Variants in POM121C observed in about 807,000 individuals in gnomAD.
The protein encoded by POM121C is POM121 transmembrane nucleoporin C, also known as nuclear envelope pore membrane protein POM 121C.
A neutral mutation model predicts 66.4 loss-of-function variants in POM121C; 20 were observed. The ratio of observed to expected loss-of-function variants is 0.30; its 90% confidence interval spans 0.21 to 0.44. POM121C has a LOEUF of 0.44. POM121C is among the 20% of genes least tolerant of loss of function. The probability of loss-of-function intolerance (pLI) is 1.00; values close to 1 mark genes in which losing one functional copy is unlikely to be tolerated. For missense variants in POM121C, 580 were observed against 1,225.7 expected (o/e 0.47, Z 7.87); for synonymous variants, 286 against 528.0 (o/e 0.54, Z 6.28).
Position 75,417,139 on chromosome 7 carries a change from T to C in POM121C, c.*1657A>G. On this transcript the variant is annotated 3_prime_UTR_variant, in exon 15 of 15. Transcript: ENST00000615331. ...GCTTGAGGTTCACTCCCTCCTCAGC[T>C]GCACACGCAGCCAGGTATAACACTC... 2.0e-6 allele frequency: 2 copies of C among 1,004,484 alleles called. No individual in the cohort carries two copies. The highest frequency in any genetic ancestry group is 2.4e-6 in the Non-Finnish European group (2 of 838,538). The allele number at this position is 1,004,484 out of a possible 1,614,324, so 62.2% of individuals were successfully genotyped here.
At chr7:75,436,127 T>C (rs140814199) in intron 7 of POM121C, among the ~76,000 whole-genome samples, 1 of 151,898 alleles carries the variant, frequency 6.6e-6, no homozygotes, top group Non-Finnish European at 1.5e-5. Flanking sequence ...TACATAAAAA[T>C]ATAAAATCAA....
rs782534807 is a variant in POM121C at position 75,424,538 on chromosome 7, C to G, written c.859G>C (p.Glu287Gln). The G allele has an allele frequency of 2.5e-6, 4 of 1,613,848 alleles. No homozygotes were observed. In the East Asian group the frequency reaches 8.9e-5, roughly 36 times the overall value. Residue 287 changes from glutamate to glutamine, a missense_variant, in exon 11 of 15, where the codon GAG (glutamate) becomes CAG (glutamine). Glu to Gln is a conservative substitution (Grantham distance 29, BLOSUM62 2). Transcript: ENST00000615331. ...CTGTGCTCCTTACCACTCTTGTCCT[C>G]CAAGGCCTGGTTGAACCACTGTAAT... Reference protein sequence around the residue: ...ASLQWFNQALEDKSDAASNSV... With the variant: ...ASLQWFNQALQDKSDAASNSV...
At position 75,455,203 on chromosome 7, in the gene POM121C, C is replaced by T. The variant is rs1165388055; in HGVS notation, c.-151-13556G>A. ...CTGTAGGCATGTACCACTGATGACACGGACACTGAATTACCCGCCGTGCTG... is the reference window on the plus strand; with the variant it reads ...CTGTAGGCATGTACCACTGATGACATGGACACTGAATTACCCGCCGTGCTG... On this transcript the variant is annotated intron_variant, in intron 3 of 14. Coordinates refer to ENST00000615331, the MANE Select transcript of POM121C (RefSeq NM_001099415.3). Among the ~76,000 whole-genome samples, 8 of 152,304 alleles carry T rather than the reference C, an allele frequency of 5.3e-5. 1 individual carries two copies. The highest frequency in any genetic ancestry group is 1.9e-4 in the East Asian group (1 of 5,186).
At chr7:75,456,648 G>A (rs200128783) in intron 3 of POM121C, among the ~76,000 whole-genome samples, 12,547 of 131,576 alleles carry the variant, frequency 0.095, no homozygotes, top group Middle Eastern at 0.15. Context: ...TGCGAGATGG[G>A]ACATGAGACA....
chr7:75,477,513 T>C lies in POM121C; in HGVS notation c.-457-2325A>G, dbSNP rs1439893595. On this transcript the variant is annotated intron_variant, in intron 1 of 14. Transcript: ENST00000615331. ...GTTTCCCTAAATTACTTTATAAATA[T>C]GCAATCCCAATAAAAATACCAAAAA... is the stretch of plus-strand genomic sequence containing the variant. Among the ~76,000 whole-genome samples, 93 of 151,962 alleles carry C rather than the reference T, an allele frequency of 6.1e-4. 1 individual carries two copies. Among genetic ancestry groups the C allele is most frequent in the African/African-American group, 2.2e-3 (93 of 41,378 alleles).
chr7:75,468,857 CTATT>C (rs1353006653), intron 3 of POM121C, among the ~76,000 whole-genome samples: 4 of 152,126 alleles, frequency 2.6e-5, no homozygotes, highest in Non-Finnish European at 5.9e-5. Context: ...CCCCATCTGT[CTATT>C]TATTTTTAAA....
intron 3 of POM121C, chr7:75,442,411 G>A: frequency 6.9e-7 from 1 of 1,440,534 alleles, no homozygotes; most frequent in South Asian, 1.4e-5. Flanking sequence ...GGAGGTTTCC[G>A]TTGGCTGTCG....
At chr7:75,442,756 A>G (rs1790709480) in intron 3 of POM121C, 1 of 1,313,020 alleles carries the variant, frequency 7.6e-7, no homozygotes, top group Non-Finnish European at 9.7e-7. Context: ...TAAATATCCC[A>G]GCGTGCACCG....
intron 1 of POM121C, among the ~76,000 whole-genome samples, chr7:75,481,183 A>T (rs587666507): frequency 6.6e-6 from 1 of 150,476 alleles, no homozygotes; most frequent in Non-Finnish European, 1.5e-5. Flanking sequence ...GAAAATCTGA[A>T]ATGATTTCAA....
chr7:75,421,363 A>G, intron 13 of POM121C, 146 bp downstream of exon 13: 5 of 1,486,106 alleles, frequency 3.4e-6, no homozygotes, highest in Middle Eastern at 2.5e-4. Context: ...TTAGCAAAAC[A>G]TGTATCATGC....
intron 7 of POM121C, among the ~76,000 whole-genome samples, chr7:75,429,489 G>A (rs782166206): frequency 6.3e-4 from 96 of 152,158 alleles, no homozygotes; most frequent in Non-Finnish European, 1.2e-3. Flanking sequence ...AAATTAGCCA[G>A]GTGTGGTGGC....
intron 1 of POM121C, among the ~76,000 whole-genome samples, chr7:75,483,499 G>C (rs1458562634): frequency 6.6e-6 from 1 of 152,120 alleles, no homozygotes; most frequent in East Asian, 1.9e-4. Flanking sequence ...TTGACTGTAA[G>C]TTTCCTGAGG....
intron 13 of POM121C, 176 bp downstream of exon 13, chr7:75,421,333 C>T: frequency 2.1e-6 from 3 of 1,454,118 alleles, no homozygotes; most frequent in Non-Finnish European, 2.7e-6. Flanking sequence ...TCCACAATGG[C>T]TCCTCCAGTC....
chr7:75,419,879 G>A (rs1421167249), intron 13 of POM121C: 11 of 164,460 alleles, frequency 6.7e-5, no homozygotes, highest in African/African-American at 2.4e-4. Context: ...TCCCTTCCCC[G>A]GCCTTGCCCT....
chr7:75,439,883 AT>A (rs59967197), intron 5 of POM121C, among the ~76,000 whole-genome samples: 353 of 138,642 alleles, frequency 2.5e-3, no homozygotes, highest in Middle Eastern at 3.8e-3. Context: ...CACATAAGGA[AT>A]TTTTTTTTTT....
chr7:75,456,375 C>T (rs1450514301), intron 3 of POM121C, among the ~76,000 whole-genome samples: 1 of 152,274 alleles, frequency 6.6e-6, no homozygotes, highest in African/African-American at 2.4e-5. Context: ...GCACCATGTA[C>T]CGAGTGCTGC....
At chr7:75,473,852 C>A (rs1219512435) in intron 3 of POM121C, among the ~76,000 whole-genome samples, 1 of 151,922 alleles carries the variant, frequency 6.6e-6, no homozygotes, top group Non-Finnish European at 1.5e-5. Context: ...CTACGTCCGG[C>A]TAATTTTTTG....
chr7:75,441,709 G>A (rs1347212652), intron 3 of POM121C, 62 bp from the exon 4 acceptor site: 59 of 1,360,202 alleles, frequency 4.3e-5, no homozygotes, highest in Non-Finnish European at 5.6e-5. Context: ...AATTTTAGAC[G>A]GTTAAAAACC....
intron 13 of POM121C, chr7:75,420,178 G>C (rs1554470423): frequency 1.3e-5 from 2 of 152,252 alleles, no homozygotes; most frequent in African/African-American, 4.8e-5. Flanking sequence ...CGCCCTGTGG[G>C]GCTGACTGAT....
Sources: allele counts gnomAD v4.1 joint callset (sites outside exome capture counted in the v4.1 genomes callset), GRCh38; gene constraint gnomAD v4.1.1; transcripts MANE v1.5; gene names NCBI Gene and HGNC (gene_info 2026-07-23, HGNC 2026-07-21).